ZW10: variants seen among roughly 807,000 people sequenced by gnomAD.
ZW10 encodes the protein centromere/kinetochore protein zw10 homolog.
A neutral mutation model predicts 87.8 loss-of-function variants in ZW10; 53 were observed. The ratio of observed to expected loss-of-function variants is 0.60; its 90% CI spans 0.48 to 0.76. The LOEUF (loss-of-function observed/expected upper bound fraction) is 0.76, where lower values mean the gene tolerates loss of function less well. Ranked by LOEUF, ZW10 falls within the 30% of genes least tolerant of loss-of-function variation. The probability of loss-of-function intolerance (pLI) is 0.00; values close to 1 mark genes in which losing one functional copy is unlikely to be tolerated. For synonymous variants in ZW10, 312 were observed against 329.2 expected (o/e 0.95, Z 0.57); for missense variants, 837 against 923.0 (o/e 0.91, Z 1.21).
chr11:113,772,936 G>A (rs1375720940), intron 1 of ZW10, among the ~76,000 whole-genome samples: 5 of 151,748 alleles, frequency 3.3e-5, no homozygotes. Flanking sequence ...GCGGTGAGCC[G>A]AGATCACTCC....
intron 11 of ZW10, among the ~76,000 whole-genome samples, chr11:113,740,311 C>T (rs751479845): frequency 3.9e-5 from 6 of 152,092 alleles, no homozygotes; most frequent in African/African-American, 9.7e-5. Context: ...AAAGTCTGGC[C>T]GGTGCAGTGG....
intron 7 of ZW10, among the ~76,000 whole-genome samples, chr11:113,756,566 C>T (rs1048179959): frequency 1.4e-4 from 22 of 152,096 alleles, no homozygotes; most frequent in Non-Finnish European, 2.8e-4. Context: ...TTTAAGAGTA[C>T]AGGTAAGAAA....
At chr11:113,768,771 T>A in intron 2 of ZW10, 62 bp downstream of exon 2, 1 of 1,580,470 alleles carries the variant, frequency 6.3e-7, no homozygotes, top group South Asian at 1.1e-5. Context: ...TAAGCTGTCT[T>A]AGCAATCAGG....
At position 113,737,766 on chromosome 11, in the gene ZW10, T is replaced by C. The variant is rs570207555; in HGVS notation, c.1885-63A>G. 4.6e-6 allele frequency: 7 copies of C among 1,523,068 alleles called. No homozygotes were observed. In the East Asian group the frequency reaches 1.6e-4, roughly 35 times the overall value. The allele number at this position is 1,523,068 out of a possible 1,614,324, so 94.3% of individuals were successfully genotyped here. A position where few individuals can be genotyped will look rare whatever the true frequency, so the allele number is the denominator to read the frequency against. ...TACTGTGACTCGTATTTTCCAGATT[T>C]ACATTTATCATTTGTGAGTTCATTG... On this transcript the variant is annotated intron_variant, in intron 13 of 15. Transcript: ENST00000200135.
chr11:113,758,287 G>A (rs1953816832), intron 6 of ZW10, among the ~76,000 whole-genome samples: 1 of 151,140 alleles, frequency 6.6e-6, no homozygotes, highest in African/African-American at 2.4e-5. Context: ...ATGCGGTGCA[G>A]GTTTTACCAC....
At chr11:113,766,264 G>A (rs113188906) in intron 2 of ZW10, among the ~76,000 whole-genome samples, 10,179 of 152,106 alleles carry the variant, frequency 0.067, 365 homozygotes, top group African/African-American at 0.094. Context: ...ACCCAGGAGG[G>A]TGAGGTGAGA....
chr11:113,753,574 T>C (rs1438921084), intron 7 of ZW10, among the ~76,000 whole-genome samples: 1 of 152,062 alleles, frequency 6.6e-6, no homozygotes, highest in African/African-American at 2.4e-5. Flanking sequence ...CCCAGCTAAT[T>C]TTTGTATTTT....
At chr11:113,754,225 C>G (rs2134883363) in intron 7 of ZW10, among the ~76,000 whole-genome samples, 1 of 152,180 alleles carries the variant, frequency 6.6e-6, no homozygotes, top group East Asian at 1.9e-4. Flanking sequence ...TGGCTCACAC[C>G]TGTAATCCTA....
chr11:113,759,647 A>G (rs1255338269), intron 5 of ZW10, among the ~76,000 whole-genome samples: 1 of 152,228 alleles, frequency 6.6e-6, no homozygotes, highest in Non-Finnish European at 1.5e-5. Context: ...GCCAAGTAGC[A>G]TAAATCAAAG....
At chr11:113,751,019 C>CT (rs34836136) in intron 7 of ZW10, 97,850 of 142,360 alleles carry the variant, frequency 0.69, 33,417 homozygotes, top group African/African-American at 0.77. Context: ...ACTGCAAATA[C>CT]TTTTTTTTTT....
chr11:113,741,586 T>C (rs1953619630), intron 11 of ZW10, 108 bp downstream of exon 11: 2 of 660,246 alleles, frequency 3.0e-6, no homozygotes, highest in East Asian at 6.1e-5. Context: ...GTGTGAATGT[T>C]AGTAAACAAA....
intron 5 of ZW10, among the ~76,000 whole-genome samples, chr11:113,759,100 G>A (rs1953830689): frequency 1.3e-5 from 2 of 152,174 alleles, no homozygotes; most frequent in African/African-American, 4.8e-5. Flanking sequence ...TGGGGCTGAG[G>A]CAGAAGGATC....
At position 113,737,612 on chromosome 11, in the gene ZW10, GTA is replaced by G. The variant is rs760901452; in HGVS notation, c.1974_1975del (p.Thr659SerfsTer4). 1 of 1,613,254 alleles carries G rather than the reference GTA, an allele frequency of 6.2e-7. No homozygotes were observed. Among genetic ancestry groups the G allele is most frequent in the Non-Finnish European group, 8.5e-7 (1 of 1,179,418 alleles). ...TTTGCCAATGACCTCAGAAATTGCT[GTA>G]TTGAGTAAAGTCCCCATAGCCTTGC... On this transcript the variant is annotated frameshift_variant, in exon 14 of 16. Transcript: ENST00000200135. LOFTEE classifies it high-confidence loss of function.
chr11:113,765,684 G>A (rs1386145051), intron 2 of ZW10, among the ~76,000 whole-genome samples: 1 of 152,188 alleles, frequency 6.6e-6, no homozygotes, highest in African/African-American at 2.4e-5. Flanking sequence ...TTTCTAATAA[G>A]CTATCAGGTA....
Position 113,773,688 on chromosome 11 carries a change from T to C in ZW10, c.-22A>G, listed in dbSNP as rs771762346. On this transcript the variant is annotated 5_prime_UTR_variant, in exon 1 of 16. Transcript: ENST00000200135. ...CCATGGCCAAGACGGGAACCAACGC[T>C]GACTGGGTCACTCTCGTAGCCAGCG... 1 of 1,606,422 alleles carries C rather than the reference T, an allele frequency of 6.2e-7. No homozygotes were observed. Among genetic ancestry groups the C allele is most frequent in the African/African-American group, 1.3e-5 (1 of 74,718 alleles).
At chr11:113,755,975 T>C (rs1371915230) in intron 7 of ZW10, among the ~76,000 whole-genome samples, 1 of 152,222 alleles carries the variant, frequency 6.6e-6, no homozygotes, top group Admixed American at 6.5e-5. Flanking sequence ...AGTGTAACTA[T>C]AACTTTTATA....
Position 113,739,350 on chromosome 11 carries a change from G to C in ZW10, c.1616C>G (p.Ala539Gly). The change falls in exon 12 of 16, where the codon GCT (alanine) becomes GGT (glycine). Residue 539 changes from alanine (A) to glycine (G), a missense_variant. Transcript: ENST00000200135. ...GTACATACAGTTGTTGTGATGAATA[G>C]CAGCCAACTGGGGAAGTTTTTGAAG... is the stretch of plus-strand genomic sequence containing the variant. ...ENLQKLPQLA[A>G]IHHNNCMYIA... is the part of the protein sequence containing the mutation. 6.2e-7 allele frequency: 1 copy of C among 1,603,688 alleles called. No homozygotes were observed. Among genetic ancestry groups the C allele is most frequent in the African/African-American group, 1.3e-5 (1 of 74,358 alleles).
rs1953512867 is a variant in ZW10, at chr11:113,733,440, T to C, written c.*254A>G. ...CATGAAATAATGCTGCCTGACAGTT[T>C]GTTAGCTAATCAAAGGAAGATGGCT... is the stretch of plus-strand genomic sequence containing the variant. On this transcript the variant is annotated 3_prime_UTR_variant, in exon 16 of 16. Coordinates refer to ENST00000200135, the MANE Select transcript of ZW10 (RefSeq NM_004724.4). 2.2e-6 allele frequency: 1 copy of C among 460,124 alleles called. No homozygotes were observed. The highest frequency in any genetic ancestry group is 3.9e-6 in the Non-Finnish European group (1 of 258,708). The allele number at this position is 460,124 out of a possible 1,614,324, so 28.5% of individuals were successfully genotyped here. A position where few individuals can be genotyped will look rare whatever the true frequency, so the allele number is the denominator to read the frequency against.
chr11:113,755,161 C>A (rs1953770357), intron 7 of ZW10, among the ~76,000 whole-genome samples: 2 of 152,138 alleles, frequency 1.3e-5, no homozygotes, highest in African/African-American at 4.8e-5. Flanking sequence ...TCTTATTATT[C>A]AAGAAATAAA....
Sources: allele counts gnomAD v4.1 joint callset (sites outside exome capture counted in the v4.1 genomes callset), GRCh38; gene constraint gnomAD v4.1.1; transcripts MANE v1.5; gene names NCBI Gene and HGNC (gene_info 2026-07-23, HGNC 2026-07-21).